HDAC9: variants seen among roughly 807,000 people sequenced by gnomAD.
HDAC9 encodes MEF-2 interacting transcription repressor (MITR) protein.
Under a neutral mutation model 139.4 loss-of-function variants are expected in HDAC9, and 41 were observed. That is an observed-to-expected ratio of 0.29 (90% CI 0.23 to 0.38). The LOEUF (loss-of-function observed/expected upper bound fraction) is 0.38. Among genes scored for constraint, HDAC9 ranks in the 10% least tolerant of loss-of-function variants. The probability of loss-of-function intolerance (pLI) is 1.00; values close to 1 mark genes in which losing one functional copy is unlikely to be tolerated. For synonymous variants in HDAC9, 517 were observed against 476.2 expected (o/e 1.09, Z -1.12); for missense variants, 1,147 against 1,297.0 (o/e 0.88, Z 1.78).
chr7:18,732,868 TACACACACACGTGTGCGTATGTGTAC>T lies in HDAC9; in HGVS notation c.1909+5120_1909+5145del, dbSNP rs1439406953. ...ACACGTGTGTATGTGTGCGTATGTG[TACACACACACGTGTGCGTATGTGTAC>T]ACACACACGTGTGCGTATGTGTATA... is the stretch of plus-strand genomic sequence containing the variant. On this transcript the variant is annotated intron_variant, in intron 13 of 25. Coordinates refer to ENST00000686413, the MANE Select transcript of HDAC9 (RefSeq NM_178425.4). Among the ~76,000 whole-genome samples the T allele has an allele frequency of 1.0e-4, 10 of 97,146 alleles. 2 individuals are homozygous for T. The highest frequency in any genetic ancestry group is 1.1e-3 in the East Asian group (2 of 1,882). 63.7% of individuals were successfully genotyped at this position (97,146 alleles called of 152,430 possible). A position where few individuals can be genotyped will look rare whatever the true frequency, so the allele number is the denominator to read the frequency against.
intron 14 of HDAC9, among the ~76,000 whole-genome samples, chr7:18,760,353 A>G (rs1165048263): frequency 6.6e-6 from 1 of 152,100 alleles, no homozygotes; most frequent in Non-Finnish European, 1.5e-5. Flanking sequence ...TAGTCTCTTT[A>G]CATGCCATCC....
chr7:18,905,529 T>C (rs1563043597), intron 22 of HDAC9, among the ~76,000 whole-genome samples: 1 of 152,246 alleles, frequency 6.6e-6, no homozygotes, highest in Non-Finnish European at 1.5e-5. Context: ...TTAATAACTT[T>C]ATGTTAAAGA....
At chr7:18,309,960 C>T (rs1799191844) in intron 1 of HDAC9, among the ~76,000 whole-genome samples, 1 of 152,124 alleles carries the variant, frequency 6.6e-6, no homozygotes, top group Admixed American at 6.6e-5. Flanking sequence ...GGGCAGTGGT[C>T]CTCAAAGTGT....
At chr7:18,789,797 G>T (rs983932201) in intron 16 of HDAC9, among the ~76,000 whole-genome samples, 50 of 152,152 alleles carry the variant, frequency 3.3e-4, no homozygotes, top group Middle Eastern at 3.4e-3. Context: ...TTCTATGCAA[G>T]GAACCACTAT....
At chr7:18,771,668 C>T (rs762807873) in intron 16 of HDAC9, among the ~76,000 whole-genome samples, 2 of 151,994 alleles carry the variant, frequency 1.3e-5, no homozygotes, top group Non-Finnish European at 2.9e-5. Flanking sequence ...TATTACACCA[C>T]ATTGGTCCTT....
chr7:18,630,563 C>A (rs1444164871), intron 7 of HDAC9, among the ~76,000 whole-genome samples: 1 of 151,970 alleles, frequency 6.6e-6, no homozygotes, highest in Non-Finnish European at 1.5e-5. Context: ...TCAATCTGGA[C>A]AACTTTATAT....
Position 18,996,234 on chromosome 7 carries a change from G to C in HDAC9, c.*172G>C. On this transcript the variant is annotated 3_prime_UTR_variant, in exon 26 of 26. Transcript: ENST00000686413. ...CTTCACTTGTTCTTTGGATGGACTTGAAAGGGCATTAAAGATTCCTTAAAC... is the reference window on the plus strand; with the variant it reads ...CTTCACTTGTTCTTTGGATGGACTTCAAAGGGCATTAAAGATTCCTTAAAC... 2 of 535,342 alleles carry C rather than the reference G, an allele frequency of 3.7e-6. No individual in the cohort carries two copies. Among genetic ancestry groups the C allele is most frequent in the East Asian group, 3.2e-5 (1 of 31,728 alleles). The allele number at this position is 535,342 out of a possible 1,614,324, so 33.2% of individuals were successfully genotyped here.
At chr7:18,250,236 A>G (rs975160438) in intron 2 of HDAC9, among the ~76,000 whole-genome samples, 5 of 152,266 alleles carry the variant, frequency 3.3e-5, no homozygotes, top group African/African-American at 1.2e-4. Context: ...CATTGGGTTT[A>G]GAGGCAACAT....
Position 18,815,720 on chromosome 7 carries a change from A to T in HDAC9, c.2323-13441A>T, listed in dbSNP as rs574494292. Among the ~76,000 whole-genome samples the T allele has an allele frequency of 2.6e-5, 4 of 152,352 alleles. No homozygotes were observed. The East Asian group carries it at 7.7e-4, about 29-fold the overall frequency. ...TACAGAGCAGGGCTGGCAGCTGTGC[A>T]TAGGCTTTGGGATCCACCATCCAGT... On this transcript the variant is annotated intron_variant, in intron 17 of 25. Coordinates refer to ENST00000686413, the MANE Select transcript of HDAC9 (RefSeq NM_178425.4).
chr7:18,856,331 T>G (rs1042300480), intron 21 of HDAC9, among the ~76,000 whole-genome samples: 14 of 152,140 alleles, frequency 9.2e-5, no homozygotes, highest in Admixed American at 8.5e-4. Context: ...ATTTTTTAAC[T>G]GCAAATCAAA....
chr7:18,518,907 A>G (rs1442625103), intron 2 of HDAC9, among the ~76,000 whole-genome samples: 1 of 152,200 alleles, frequency 6.6e-6, no homozygotes, highest in Non-Finnish European at 1.5e-5. Flanking sequence ...CTTATTCCAA[A>G]ATGAAATCAA....
intron 13 of HDAC9, among the ~76,000 whole-genome samples, chr7:18,735,226 G>T (rs921356398): frequency 6.6e-6 from 1 of 152,190 alleles, no homozygotes; most frequent in Non-Finnish European, 1.5e-5. Context: ...CCAGGCAGAA[G>T]CTTTTTAGCT....
intron 1 of HDAC9, among the ~76,000 whole-genome samples, chr7:18,390,853 C>T (rs1786405058): frequency 6.6e-6 from 1 of 152,176 alleles, no homozygotes; most frequent in Admixed American, 6.5e-5. Context: ...GTTTGGGAGG[C>T]CAAGGCAGGC....
chr7:18,578,057 T>A, intron 2 of HDAC9: 1 of 491,956 alleles, frequency 2.0e-6, no homozygotes, highest in Non-Finnish European at 4.1e-6. Flanking sequence ...TTAGCTTGAC[T>A]TTTGGGAGCT....
chr7:18,771,458 G>A (rs925754843), intron 16 of HDAC9, among the ~76,000 whole-genome samples: 1 of 151,926 alleles, frequency 6.6e-6, no homozygotes, highest in African/African-American at 2.4e-5. Context: ...GGCAGATTTG[G>A]ATGAAATGTC....
At chr7:18,985,180 G>C (rs543684675) in intron 25 of HDAC9, among the ~76,000 whole-genome samples, 1 of 151,772 alleles carries the variant, frequency 6.6e-6, no homozygotes, top group Non-Finnish European at 1.5e-5. Context: ...CCACTAATTC[G>C]TCATCTAGCA....
intron 1 of HDAC9, among the ~76,000 whole-genome samples, chr7:18,456,142 G>A (rs1204738150): frequency 6.6e-6 from 1 of 152,124 alleles, no homozygotes; most frequent in Non-Finnish European, 1.5e-5. Context: ...TTACAGCTGA[G>A]CTAGAACAAA....
chr7:18,134,449 A>G (rs2128104386), intron 1 of HDAC9, among the ~76,000 whole-genome samples: 1 of 152,282 alleles, frequency 6.6e-6, no homozygotes, highest in African/African-American at 2.4e-5. Context: ...CTGTACTGTC[A>G]TTATCAAAAT....
At chr7:18,207,227 C>T (rs1406970705) in intron 2 of HDAC9, among the ~76,000 whole-genome samples, 3 of 152,120 alleles carry the variant, frequency 2.0e-5, no homozygotes, top group Non-Finnish European at 2.9e-5. Flanking sequence ...GCATGAGCCA[C>T]TGCAACTGGC....
Sources: allele counts gnomAD v4.1 joint callset (sites outside exome capture counted in the v4.1 genomes callset), GRCh38; gene constraint gnomAD v4.1.1; transcripts MANE v1.5; gene names NCBI Gene and HGNC (gene_info 2026-07-23, HGNC 2026-07-21).